Variants in ZNF587B observed in about 807,000 individuals in gnomAD.
ZNF587B encodes zinc finger protein 587B.
Under a neutral mutation model 7.2 loss-of-function variants are expected in ZNF587B, and 6 were observed. That is an observed-to-expected ratio of 0.83 (90% confidence interval 0.46 to 1.65). The LOEUF is 1.65. ZNF587B is among the 40% of genes most tolerant of loss of function. ZNF587B has a pLI of 0.01. For missense variants in ZNF587B, 749 were observed against 761.0 expected, an observed-to-expected ratio of 0.98 and a Z score of 0.19; for synonymous variants, 274 against 254.3, an observed-to-expected ratio of 1.08 and a Z score of -0.74.
In ZNF587B at chr19:57,843,626, CA is replaced by C; in HGVS notation, c.*1053del. Reference sequence around the variant, plus strand: ...TTTTTTTTTTTTTTTTTTTTGGAGACAAAGTTTCACTGTCACCGATACTGGA... The same window carrying C: ...TTTTTTTTTTTTTTTTTTTTGGAGACAAGTTTCACTGTCACCGATACTGGA... On this transcript the variant is annotated 3_prime_UTR_variant, in exon 3 of 3. Transcript: ENST00000594901. 1 of 666,992 alleles carries C rather than the reference CA, an allele frequency of 1.5e-6. No homozygotes were observed. The highest frequency in any genetic ancestry group is 7.4e-5 in the South Asian group (1 of 13,590). 41.3% of individuals were successfully genotyped at this position (666,992 alleles called of 1,614,324 possible). A position where few individuals can be genotyped will look rare whatever the true frequency, so the allele number is the denominator to read the frequency against.
intron 1 of ZNF587B, among the ~76,000 whole-genome samples, chr19:57,837,598 G>A (rs1197055099): frequency 3.3e-5 from 5 of 151,948 alleles, no homozygotes; most frequent in African/African-American, 4.8e-5. Flanking sequence ...ACAGGTGCCC[G>A]CCACAACACC....
Position 57,842,597 on chromosome 19 carries a change from C to A in ZNF587B, c.*21C>A. ...TATGAGTGCAGAGAATGAGTCCAGT[C>A]TCATTAAATACAGGAGAGCACACAC... On this transcript the variant is annotated 3_prime_UTR_variant, in exon 3 of 3. Transcript: ENST00000594901. 1 of 1,469,920 alleles carries A rather than the reference C, an allele frequency of 6.8e-7. No homozygotes were observed. The highest frequency in any genetic ancestry group is 1.5e-5 in the South Asian group (1 of 66,014). 91.1% of individuals were successfully genotyped at this position (1,469,920 alleles called of 1,614,324 possible).
chr19:57,839,535 C>T (rs1452114612), intron 2 of ZNF587B, among the ~76,000 whole-genome samples: 3 of 152,198 alleles, frequency 2.0e-5, no homozygotes, highest in Admixed American at 6.5e-5. Flanking sequence ...CTATATAGAC[C>T]AGAGGCTGTT....
chr19:57,834,758 T>C (rs1988537351), intron 1 of ZNF587B, among the ~76,000 whole-genome samples: 1 of 113,868 alleles, frequency 8.8e-6, no homozygotes, highest in Non-Finnish European at 1.9e-5. Flanking sequence ...TTAGGGAGAA[T>C]TGCTTGAACC....
In ZNF587B at chr19:57,843,588, T is replaced by A; in HGVS notation, c.*1012T>A. 1 of 835,824 alleles carries A rather than the reference T, an allele frequency of 1.2e-6. No homozygotes were observed. Among genetic ancestry groups the A allele is most frequent in the Non-Finnish European group, 1.4e-6 (1 of 719,854 alleles). The allele number at this position is 835,824 out of a possible 1,614,324, so 51.8% of individuals were successfully genotyped here. A position where few individuals can be genotyped will look rare whatever the true frequency, so the allele number is the denominator to read the frequency against. On this transcript the variant is annotated 3_prime_UTR_variant, in exon 3 of 3. Coordinates refer to ENST00000594901, the MANE Select transcript of ZNF587B (RefSeq NM_001376223.1). ...TTTGGTTGGTTGGTTGGTTGGTTGG[T>A]TGTTTTTTTTTGTTTTTTTTTTTTT... is the stretch of plus-strand genomic sequence containing the variant.
rs760382260 is a variant in ZNF587B at position 57,841,418 on chromosome 19, G to A, written c.744G>A (p.Gly248=). The A allele has an allele frequency of 6.3e-7, 1 of 1,584,152 alleles. No homozygotes were observed. Among genetic ancestry groups the A allele is most frequent in the Non-Finnish European group, 8.6e-7 (1 of 1,164,306 alleles). The change falls in exon 3 of 3, where the codon GGG becomes GGA. Residue 248 remains glycine, a synonymous_variant. Coordinates refer to ENST00000594901, the MANE Select transcript of ZNF587B (RefSeq NM_001376223.1). ...AATGTTATGTGTGCTGTGAATGTGG[G>A]AAATCCTTTAGCAAATATGTTAGCT... ...REECYVCCEC[G]KSFSKYVSFS...
Position 57,841,386 on chromosome 19 carries a change from C to T in ZNF587B, c.712C>T (p.Arg238Ter), listed in dbSNP as rs113335262. The change falls in exon 3 of 3, where the codon CGA becomes TGA. Residue 238 changes from arginine (R) to a stop codon, truncating the protein, a stop_gained. Coordinates refer to ENST00000594901, the MANE Select transcript of ZNF587B (RefSeq NM_001376223.1). LOFTEE classifies it low-confidence loss of function (END_TRUNC). The part of the protein sequence containing the change: ...ILSQHQRLLP[R>*]EECYVCCECG... The stretch of plus-strand genomic sequence containing the variant: ...CAGTCAGCACCAGAGACTTCTCCCT[C>T]GAGAAGAATGTTATGTGTGCTGTGA... 4.4e-6 allele frequency: 7 copies of T among 1,585,734 alleles called. No homozygotes were observed. The highest frequency in any genetic ancestry group is 1.8e-5 in the Admixed American group (1 of 54,702).
At chr19:57,835,381 GGA>G in intron 1 of ZNF587B, among the ~76,000 whole-genome samples, 1 of 129,442 alleles carries the variant, frequency 7.7e-6, no homozygotes, top group South Asian at 2.6e-4. Context: ...TTTTTTAGGT[GGA>G]GTCTTGTTCT....
chr19:57,841,236 C>G lies in ZNF587B; in HGVS notation c.562C>G (p.Gln188Glu), dbSNP rs1988829018. ...DFLPRSGLLQ[Q>E]EASHTGEKSN... Reference sequence around the variant, plus strand: ...TTTGCCCAGGTCAGGATTACTCCAGCAGGAGGCCAGTCACACTGGGGAGAA... The same window carrying G: ...TTTGCCCAGGTCAGGATTACTCCAGGAGGAGGCCAGTCACACTGGGGAGAA... The change falls in exon 3 of 3, where the codon CAG (glutamine) becomes GAG (glutamate). Residue 188 changes from glutamine to glutamate, a missense_variant. Around this residue, in one of 3 missense-constraint regions of ZNF587B, gnomAD observed 656 missense variants for 596.5 expected, o/e 1.10. Coordinates refer to ENST00000594901, the MANE Select transcript of ZNF587B (RefSeq NM_001376223.1). 3.1e-6 allele frequency: 5 copies of G among 1,614,026 alleles called. No individual in the cohort carries two copies. Among genetic ancestry groups the G allele is most frequent in the African/African-American group, 1.3e-5 (1 of 74,902 alleles).
chr19:57,838,100 AG>A (rs1208452084), intron 1 of ZNF587B, among the ~76,000 whole-genome samples: 1 of 151,522 alleles, frequency 6.6e-6, no homozygotes, highest in African/African-American at 2.4e-5. Flanking sequence ...CAAAGTCAGG[AG>A]TTCGAGACCA....
At chr19:57,838,857 CAACT>C (rs1257180262) in intron 1 of ZNF587B, among the ~76,000 whole-genome samples, 162 bp from the exon 2 acceptor site, 6 of 152,240 alleles carry the variant, frequency 3.9e-5, no homozygotes, top group African/African-American at 1.2e-4. Flanking sequence ...CCTATTTGTT[CAACT>C]AACTATTGTT....
chr19:57,842,382 A>C lies in ZNF587B; in HGVS notation c.1708A>C (p.Arg570=). ...AASSYLTSHR[R]VHTGQKPYEC... is the part of the protein sequence containing the mutation. ...AAGCTCCTATCTCACTAGTCACAGGAGAGTTCACACTGGTCAGAAGCCTTA... is the reference window on the plus strand; with the variant it reads ...AAGCTCCTATCTCACTAGTCACAGGCGAGTTCACACTGGTCAGAAGCCTTA... The change falls in exon 3 of 3, where the codon AGA becomes CGA. Residue 570 remains arginine, a synonymous_variant. Transcript: ENST00000594901. 5 of 1,604,314 alleles carry C rather than the reference A, an allele frequency of 3.1e-6. No individual in the cohort carries two copies. The highest frequency in any genetic ancestry group is 4.3e-6 in the Non-Finnish European group (5 of 1,175,708).
rs574829545 is a variant in ZNF587B at position 57,830,578 on chromosome 19, C to T, written c.36+14C>T. On this transcript the variant is annotated intron_variant, in intron 1 of 2. Transcript: ENST00000594901. Reference sequence around the variant, plus strand: ...CTCTCTGCTCAGGTAATTGTGGTGCCTTCCATGCCCTCAGGTCACCTCATC... The same window carrying T: ...CTCTCTGCTCAGGTAATTGTGGTGCTTTCCATGCCCTCAGGTCACCTCATC... 43 of 1,550,066 alleles carry T rather than the reference C, an allele frequency of 2.8e-5. No homozygotes were observed. The African/African-American group carries it at 5.5e-4, about 20-fold the overall frequency.
At position 57,843,537 on chromosome 19, in the gene ZNF587B, G is replaced by A. The variant is rs1024282014; in HGVS notation, c.*961G>A. The A allele has an allele frequency of 4.0e-5, 39 of 979,456 alleles. No individual in the cohort carries two copies. The highest frequency in any genetic ancestry group is 4.3e-5 in the Non-Finnish European group (36 of 828,424). 60.7% of individuals were successfully genotyped at this position (979,456 alleles called of 1,614,324 possible). On this transcript the variant is annotated 3_prime_UTR_variant, in exon 3 of 3. Coordinates refer to ENST00000594901, the MANE Select transcript of ZNF587B (RefSeq NM_001376223.1). ...TATATTTTGGTTGTCTCCCATTCAC[G>A]AGAGATTTTTTTTTTAAGTTTTTTG...
chr19:57,843,600 GTTTTTTTTTTTTT>G lies in ZNF587B; in HGVS notation c.*1032_*1044del. 1 of 644,312 alleles carries G rather than the reference GTTTTTTTTTTTTT, an allele frequency of 1.6e-6. No individual in the cohort carries two copies. The highest frequency in any genetic ancestry group is 7.6e-5 in the South Asian group (1 of 13,140). 39.9% of individuals were successfully genotyped at this position (644,312 alleles called of 1,614,324 possible). A position where few individuals can be genotyped will look rare whatever the true frequency, so the allele number is the denominator to read the frequency against. On this transcript the variant is annotated 3_prime_UTR_variant, in exon 3 of 3. Transcript: ENST00000594901. ...GTTGGTTGGTTGGTTGTTTTTTTTT[GTTTTTTTTTTTTT>G]TTTTTTTGGAGACAAAGTTTCACTG...
At chr19:57,831,771 C>G (rs1169130971) in intron 1 of ZNF587B, among the ~76,000 whole-genome samples, 1 of 150,902 alleles carries the variant, frequency 6.6e-6, no homozygotes, top group Admixed American at 6.6e-5. Context: ...GTGGCGTGAT[C>G]TCGGCTCACT....
intron 2 of ZNF587B, among the ~76,000 whole-genome samples, 191 bp from the exon 3 acceptor site, chr19:57,840,647 A>G (rs1360954738): frequency 5.3e-5 from 8 of 152,128 alleles, no homozygotes; most frequent in African/African-American, 1.9e-4. Context: ...TTAACTTATG[A>G]GGCCTCCTAC....
At chr19:57,840,399 T>C (rs1405210707) in intron 2 of ZNF587B, among the ~76,000 whole-genome samples, 1 of 152,284 alleles carries the variant, frequency 6.6e-6, no homozygotes, top group Admixed American at 6.5e-5. Context: ...TATGTCACCA[T>C]TTGCGTGTTC....
chr19:57,834,844 TAA>T (rs1169760619), intron 1 of ZNF587B, among the ~76,000 whole-genome samples: 152 of 127,442 alleles, frequency 1.2e-3, no homozygotes, highest in Non-Finnish European at 2.4e-3. Flanking sequence ...GACTCTCTCT[TAA>T]AAAAAAAAAA....
Sources: allele counts gnomAD v4.1 joint callset (sites outside exome capture counted in the v4.1 genomes callset), GRCh38; gene constraint gnomAD v4.1.1; regional missense constraint gnomAD v4.1.1; transcripts MANE v1.5; gene names NCBI Gene and HGNC (gene_info 2026-07-23, HGNC 2026-07-21).